STARD5: variants seen among roughly 807,000 people sequenced by gnomAD.
The protein encoded by STARD5 is stAR-related lipid transfer protein 5.
STARD5 carries 26 observed loss-of-function variants against 24.6 expected under a neutral mutation model. The observed-to-expected ratio is 1.06, with a 90% CI of 0.77 to 1.47. STARD5 has a LOEUF of 1.47. Among genes scored for constraint, STARD5 ranks in the 40% most tolerant of loss-of-function variants. The probability of loss-of-function intolerance (pLI) is 0.00; values close to 1 mark genes in which losing one functional copy is unlikely to be tolerated. For synonymous variants in STARD5, 101 were observed against 99.7 expected (o/e 1.01, Z -0.07); for missense variants, 254 against 270.8 (o/e 0.94, Z 0.44).
rs761618911 is a variant in STARD5, at chr15:81,322,967, C to A, written c.100-19G>T. 4 of 1,613,946 alleles carry A rather than the reference C, an allele frequency of 2.5e-6. No homozygotes were observed. The highest frequency in any genetic ancestry group is 1.1e-5 in the South Asian group (1 of 91,074). On this transcript the variant is annotated intron_variant, in intron 1 of 5. Transcript: ENST00000302824. ...CTCCATTCTGTCAAAAGGCACAGAA[C>A]CACAGAATTTTAGAGCTAGAAGGGC...
At chr15:81,322,592 T>G (rs911165724) in intron 2 of STARD5, 52 bp from the exon 3 acceptor site, 1 of 1,612,640 alleles carries the variant, frequency 6.2e-7, no homozygotes, top group African/African-American at 1.3e-5. Flanking sequence ...ACTTGTTATC[T>G]TGAGATTGTA....
In STARD5 at chr15:81,312,493, T is replaced by TGCA. The variant is rs1407425801; in HGVS notation, c.*760_*762dup. The TGCA allele has an allele frequency of 6.6e-6, 1 of 152,300 alleles. No individual in the cohort carries two copies. Among genetic ancestry groups the TGCA allele is most frequent in the African/African-American group, 2.4e-5 (1 of 41,460 alleles). 9.4% of individuals were successfully genotyped at this position (152,300 alleles called of 1,614,324 possible). A position where few individuals can be genotyped will look rare whatever the true frequency, so the allele number is the denominator to read the frequency against. ...AGGCTCTTCTCCCCAGAGTTCCCCA[T>TGCA]GCAGACATGAGTGCGTGCTCAGTTC... On this transcript the variant is annotated 3_prime_UTR_variant, in exon 6 of 6. Transcript: ENST00000302824.
At position 81,322,328 on chromosome 15, in the gene STARD5, C is replaced by A. The variant is rs74028610; in HGVS notation, c.282+80G>T. On this transcript the variant is annotated intron_variant, in intron 3 of 5. Transcript: ENST00000302824. ...CCCCTTAACAAAAGGTATCACGGAC[C>A]CCTTCCAGAAGAAATGGGAGGGGGT... 0.06 allele frequency: 94,409 copies of A among 1,569,894 alleles called. 3,812 individuals are homozygous for A. The highest frequency in any genetic ancestry group is 0.19 in the African/African-American group (14,141 of 74,286).
intron 5 of STARD5, among the ~76,000 whole-genome samples, chr15:81,314,480 G>A (rs1335013184): frequency 1.3e-5 from 2 of 152,188 alleles, no homozygotes; most frequent in East Asian, 1.9e-4. Flanking sequence ...TTACTTGAAT[G>A]CAACTGTCCA....
chr15:81,318,529 A>G (rs1337924338), intron 4 of STARD5, 27 bp from the exon 5 acceptor site: 7 of 1,602,172 alleles, frequency 4.4e-6, no homozygotes, highest in East Asian at 2.2e-5. Context: ...AATCTCGGTG[A>G]GTTACAACTT....
intron 1 of STARD5, chr15:81,323,797 C>T: frequency 5.7e-6 from 4 of 707,444 alleles, no homozygotes; most frequent in Non-Finnish European, 9.6e-6. Flanking sequence ...GGAACAGATA[C>T]TTACCACCTG....
intron 3 of STARD5, among the ~76,000 whole-genome samples, 185 bp downstream of exon 3, chr15:81,322,223 G>A (rs1299555562): frequency 1.3e-5 from 2 of 152,208 alleles, no homozygotes; most frequent in Admixed American, 6.5e-5. Context: ...TCTGAGTCAT[G>A]AGGTTTCCCA....
intron 4 of STARD5, among the ~76,000 whole-genome samples, chr15:81,318,860 G>A (rs1901136639): frequency 6.6e-6 from 1 of 152,296 alleles, no homozygotes; most frequent in East Asian, 1.9e-4. Context: ...GAGGAGGCAG[G>A]TGCCTCTCTC....
chr15:81,314,366 G>A (rs1332232043), intron 5 of STARD5, among the ~76,000 whole-genome samples: 1 of 152,164 alleles, frequency 6.6e-6, no homozygotes, highest in Non-Finnish European at 1.5e-5. Flanking sequence ...ATGTGGAGAT[G>A]GAACACAACT....
At chr15:81,315,731 C>T (rs1231994619) in intron 5 of STARD5, among the ~76,000 whole-genome samples, 5 of 151,950 alleles carry the variant, frequency 3.3e-5, no homozygotes, top group African/African-American at 9.7e-5. Flanking sequence ...CTCTTGCTCA[C>T]AGCCTCTTAC....
intron 5 of STARD5, among the ~76,000 whole-genome samples, chr15:81,315,324 G>A (rs909952111): frequency 5.9e-5 from 9 of 152,158 alleles, no homozygotes; most frequent in Non-Finnish European, 8.8e-5. Context: ...TGGGCGGAAC[G>A]TGTGAGAGGC....
At chr15:81,322,708 A>T (rs896156658) in intron 2 of STARD5, 168 bp from the exon 3 acceptor site, 1 of 1,283,578 alleles carries the variant, frequency 7.8e-7, no homozygotes, top group Admixed American at 2.1e-5. Context: ...TCAGGCCTGC[A>T]GAAATGGACA....
At chr15:81,320,741 A>T (rs1901178262) in intron 3 of STARD5, among the ~76,000 whole-genome samples, 1 of 152,128 alleles carries the variant, frequency 6.6e-6, no homozygotes, top group Admixed American at 6.5e-5. Context: ...AAGTGATGAA[A>T]ATTTTGAAAA....
In STARD5 at chr15:81,312,256, T is replaced by C. The variant is rs1009797382; in HGVS notation, c.*1000A>G. 3 of 152,278 alleles carry C rather than the reference T, an allele frequency of 2.0e-5. No homozygotes were observed. Among genetic ancestry groups the C allele is most frequent in the African/African-American group, 4.8e-5 (2 of 41,446 alleles). 9.4% of individuals were successfully genotyped at this position (152,278 alleles called of 1,614,324 possible). On this transcript the variant is annotated 3_prime_UTR_variant, in exon 6 of 6. Coordinates refer to ENST00000302824, the MANE Select transcript of STARD5 (RefSeq NM_181900.3). ...AGGCTGTGCTCCCTGGTTCTGATGA[T>C]GTGCCTGGGTGGACATGGCCCCTGT...
intron 4 of STARD5, 61 bp downstream of exon 4, chr15:81,319,278 G>T: frequency 7.1e-7 from 1 of 1,411,056 alleles, no homozygotes; most frequent in Non-Finnish European, 1.0e-6. Flanking sequence ...GAACTGTGGG[G>T]TGCAGAAGAG....
chr15:81,321,322 T>A (rs969027987), intron 3 of STARD5, among the ~76,000 whole-genome samples: 1 of 152,128 alleles, frequency 6.6e-6, no homozygotes, highest in Non-Finnish European at 1.5e-5. Context: ...TAAAAAACAA[T>A]TAGTCTTGGC....
At position 81,318,402 on chromosome 15, in the gene STARD5, T is replaced by C; in HGVS notation, c.494+7A>G. 1 of 1,613,692 alleles carries C rather than the reference T, an allele frequency of 6.2e-7. No individual in the cohort carries two copies. Among genetic ancestry groups the C allele is most frequent in the Non-Finnish European group, 8.5e-7 (1 of 1,179,576 alleles). On this transcript the variant is annotated splice_region_variant and intron_variant, in intron 5 of 5. Transcript: ENST00000302824. ...CCATGTACCTCAATGCAGGAAATTA[T>C]CCTTACCCTGGAAGAGGTTCACAGA...
chr15:81,315,666 AACC>A (rs1315726678), intron 5 of STARD5, among the ~76,000 whole-genome samples: 1 of 151,968 alleles, frequency 6.6e-6, no homozygotes, highest in East Asian at 1.9e-4. Flanking sequence ...CTTGGAGCTC[AACC>A]ACCACCACCT....
At chr15:81,316,278 C>T (rs1329873705) in intron 5 of STARD5, among the ~76,000 whole-genome samples, 2 of 152,196 alleles carry the variant, frequency 1.3e-5, no homozygotes, top group East Asian at 1.9e-4. Context: ...AGGCACTTAA[C>T]GTCTGATACT....
Sources: allele counts gnomAD v4.1 joint callset (sites outside exome capture counted in the v4.1 genomes callset), GRCh38; gene constraint gnomAD v4.1.1; transcripts MANE v1.5; gene names NCBI Gene and HGNC (gene_info 2026-07-23, HGNC 2026-07-21).